Variants in FAM118A observed in about 807,000 individuals in gnomAD.
FAM118A encodes the protein protein FAM118A.
FAM118A carries 25 observed loss-of-function variants against 38.2 expected under a neutral mutation model. The observed-to-expected ratio is 0.65, with a 90% CI of 0.48 to 0.91. The LOEUF is 0.91. Ranked by LOEUF, FAM118A falls within the 40% of genes least tolerant of loss-of-function variation. FAM118A has a pLI of 0.00. For missense variants in FAM118A, 425 were observed against 463.3 expected, an observed-to-expected ratio of 0.92 and a Z score of 0.76; for synonymous variants, 178 against 184.1, an observed-to-expected ratio of 0.97 and a Z score of 0.27.
In FAM118A at chr22:45,316,752, G is replaced by C. The variant is rs573263117; in HGVS notation, c.-9-5619G>C. The stretch of plus-strand genomic sequence containing the variant: ...TTGTCACAGTGGCAGTGGTAATATT[G>C]GTACTAATAGCCTACTGTGTTGCCG... On this transcript the variant is annotated intron_variant, in intron 1 of 8. Transcript: ENST00000441876. Among the ~76,000 whole-genome samples, 13 of 152,296 alleles carry C rather than the reference G, an allele frequency of 8.5e-5. No homozygotes were observed. In the South Asian group the frequency reaches 2.5e-3, roughly 29 times the overall value.
In FAM118A at chr22:45,335,527, A is replaced by G. The variant is rs550751871; in HGVS notation, c.970+145A>G. 3.3e-6 allele frequency: 3 copies of G among 923,046 alleles called. No homozygotes were observed. In the African/African-American group the frequency reaches 5.0e-5, roughly 15 times the overall value. The allele number at this position is 923,046 out of a possible 1,614,324, so 57.2% of individuals were successfully genotyped here. A position where few individuals can be genotyped will look rare whatever the true frequency, so the allele number is the denominator to read the frequency against. On this transcript the variant is annotated intron_variant, in intron 7 of 8. Transcript: ENST00000441876. ...AACAGCCCCACTGAAGATGATAAATAGCCATGCCTTAGCATGGTCCCTGCC... is the reference window on the plus strand; with the variant it reads ...AACAGCCCCACTGAAGATGATAAATGGCCATGCCTTAGCATGGTCCCTGCC...
chr22:45,317,371 C>T (rs1705967313), intron 1 of FAM118A, among the ~76,000 whole-genome samples: 1 of 152,206 alleles, frequency 6.6e-6, no homozygotes, highest in South Asian at 2.1e-4. Flanking sequence ...AAGAGTGAAA[C>T]TCACTCTCAA....
intron 8 of FAM118A, chr22:45,337,798 G>C: frequency 2.0e-6 from 2 of 983,188 alleles, no homozygotes; most frequent in Non-Finnish European, 2.4e-6. Context: ...GCAGACCCCA[G>C]TGTGGGGTCG....
At position 45,339,293 on chromosome 22, in the gene FAM118A, G is replaced by A. The variant is rs1373442068; in HGVS notation, c.1055-1093G>A. Among the ~76,000 whole-genome samples the A allele has an allele frequency of 4.6e-5, 7 of 152,182 alleles. 1 individual carries two copies. The highest frequency in any genetic ancestry group is 7.2e-5 in the African/African-American group (3 of 41,424). ...CGCCTACTGTAGTCCCAGCTACTCA[G>A]GAGGCTGAGGCAGGAGAATTGCTTG... On this transcript the variant is annotated intron_variant, in intron 8 of 8. Coordinates refer to ENST00000441876, the MANE Select transcript of FAM118A (RefSeq NM_017911.4).
At chr22:45,335,115 G>A (rs2085992699) in intron 6 of FAM118A, 5 of 528,310 alleles carry the variant, frequency 9.5e-6, no homozygotes, top group South Asian at 2.9e-5. Flanking sequence ...GCTAGTGATC[G>A]CGGACACCAC....
chr22:45,322,694 G>C (rs1318175579), intron 2 of FAM118A, among the ~76,000 whole-genome samples: 1 of 152,172 alleles, frequency 6.6e-6, no homozygotes, highest in African/African-American at 2.4e-5. Context: ...TCCTAAGAAA[G>C]AATTCTTTGA....
Position 45,327,900 on chromosome 22 carries a change from A to G in FAM118A, c.359A>G (p.Asp120Gly). The G allele has an allele frequency of 1.2e-6, 2 of 1,614,190 alleles. No individual in the cohort carries two copies. The highest frequency in any genetic ancestry group is 1.7e-6 in the Non-Finnish European group (2 of 1,180,044). The change falls in exon 4 of 9, where the codon GAC (aspartate) becomes GGC (glycine). Residue 120 changes from aspartate (D) to glycine (G), a missense_variant. Asp to Gly is a moderately conservative substitution (Grantham distance 94, BLOSUM62 -1). Transcript: ENST00000441876. ...GACTGCCTGATGGAGGTGTTTGACGACCTGGAGCAGCACATCCGGAGTCCT... is the reference window on the plus strand; with the variant it reads ...GACTGCCTGATGGAGGTGTTTGACGGCCTGGAGCAGCACATCCGGAGTCCT... ...FQDCLMEVFD[D>G]LEQHIRSPVV...
At chr22:45,326,013 G>A (rs552103137) in intron 3 of FAM118A, among the ~76,000 whole-genome samples, 63 of 152,210 alleles carry the variant, frequency 4.1e-4, no homozygotes, top group Non-Finnish European at 6.0e-4. Flanking sequence ...GAGCTGTGGC[G>A]ATGAGTGGGA....
At chr22:45,318,830 G>A (rs1413491175) in intron 1 of FAM118A, 1 of 152,174 alleles carries the variant, frequency 6.6e-6, no homozygotes, top group Non-Finnish European at 1.5e-5. Context: ...ATTGAGGTTG[G>A]ACTCCGTGTG....
At chr22:45,321,211 G>A (rs183154614) in intron 1 of FAM118A, among the ~76,000 whole-genome samples, 31 of 151,790 alleles carry the variant, frequency 2.0e-4, no homozygotes, top group African/African-American at 5.3e-4. Context: ...CCACCTCCTG[G>A]GTTCAAGTGA....
At chr22:45,309,118 C>T (rs2084270409), upstream of FAM118A, 1 of 152,254 alleles carries the variant, frequency 6.6e-6, no homozygotes, top group African/African-American at 2.4e-5. Flanking sequence ...GGACGCGGCA[C>T]CTGCGACAGG....
chr22:45,337,883 G>T, intron 8 of FAM118A: 36 of 985,384 alleles, frequency 3.7e-5, no homozygotes, highest in Non-Finnish European at 4.3e-5. Flanking sequence ...GGGATTCTCC[G>T]TTGTGATTCC....
At chr22:45,309,520 C>T (rs2084275643), upstream of FAM118A, 1 of 152,338 alleles carries the variant, frequency 6.6e-6, no homozygotes, top group African/African-American at 2.4e-5. Context: ...AGAAGCTGTG[C>T]CTAAGTGTGG....
In FAM118A at chr22:45,340,732, T is replaced by A. The variant is rs933873107; in HGVS notation, c.*327T>A. 5.6e-5 allele frequency: 23 copies of A among 413,612 alleles called. No individual in the cohort carries two copies. The highest frequency in any genetic ancestry group is 4.2e-4 in the African/African-American group (21 of 50,062). The allele number at this position is 413,612 out of a possible 1,614,324, so 25.6% of individuals were successfully genotyped here. A position where few individuals can be genotyped will look rare whatever the true frequency, so the allele number is the denominator to read the frequency against. On this transcript the variant is annotated 3_prime_UTR_variant, in exon 9 of 9. Coordinates refer to ENST00000441876, the MANE Select transcript of FAM118A (RefSeq NM_017911.4). ...CAGGCTCTCTTTTGTCAAGGTGGTA[T>A]TTTTCGTAATAAAAGGGGAAGAGTA...
At chr22:45,328,724 A>G in intron 4 of FAM118A, 1 of 529,584 alleles carries the variant, frequency 1.9e-6, no homozygotes. Context: ...AGATGGTTGC[A>G]GTGAGCTGAG....
chr22:45,311,511 G>A (rs2084364863), intron 1 of FAM118A, among the ~76,000 whole-genome samples: 2 of 152,200 alleles, frequency 1.3e-5, no homozygotes, highest in African/African-American at 2.4e-5. Context: ...GGGAGAAGCT[G>A]GGACTTTTGC....
At chr22:45,323,473 C>A in intron 3 of FAM118A, 46 bp downstream of exon 3, 1 of 1,594,388 alleles carries the variant, frequency 6.3e-7, no homozygotes, top group Non-Finnish European at 8.6e-7. Context: ...GGTTCTGCAG[C>A]AGGTTGGATG....
intron 5 of FAM118A, 120 bp downstream of exon 5, chr22:45,330,851 C>G: frequency 8.5e-7 from 1 of 1,175,412 alleles, no homozygotes; most frequent in South Asian, 2.8e-5. Flanking sequence ...CAGGTCGGCC[C>G]TGCACACAGT....
chr22:45,328,774 T>G, intron 4 of FAM118A: 1 of 323,806 alleles, frequency 3.1e-6, no homozygotes, highest in African/African-American at 2.1e-5. Context: ...TGAGACCCTG[T>G]CTCAAAAAAC....
Sources: allele counts gnomAD v4.1 joint callset (sites outside exome capture counted in the v4.1 genomes callset), GRCh38; gene constraint gnomAD v4.1.1; transcripts MANE v1.5; gene names NCBI Gene and HGNC (gene_info 2026-07-23, HGNC 2026-07-21).